Variants in PLA2G4A observed in about 807,000 individuals in gnomAD.
PLA2G4A encodes cytosolic phospholipase A2.
A neutral mutation model predicts 81.9 loss-of-function variants in PLA2G4A; 40 were observed. The ratio of observed to expected loss-of-function variants is 0.49; its 90% CI spans 0.38 to 0.64. The LOEUF (loss-of-function observed/expected upper bound fraction) is 0.64. Among genes scored for constraint, PLA2G4A ranks in the 30% least tolerant of loss-of-function variants. The pLI is 0.00. For synonymous variants in PLA2G4A, 302 were observed against 296.9 expected (o/e 1.02, Z -0.18); for missense variants, 715 against 905.1 (o/e 0.79, Z 2.69).
intron 7 of PLA2G4A, among the ~76,000 whole-genome samples, chr1:186,927,558 T>C (rs1379281943): frequency 6.6e-6 from 1 of 152,106 alleles, no homozygotes; most frequent in Non-Finnish European, 1.5e-5. Flanking sequence ...AGTAAAGAAA[T>C]GAGAGAAGAA....
At chr1:186,864,780 G>A (rs576153045) in intron 2 of PLA2G4A, among the ~76,000 whole-genome samples, 58 of 151,342 alleles carry the variant, frequency 3.8e-4, no homozygotes, top group African/African-American at 1.4e-3. Flanking sequence ...CTCTATATTT[G>A]CTTTTATTTT....
At chr1:186,925,271 T>C (rs1031597652) in intron 7 of PLA2G4A, among the ~76,000 whole-genome samples, 10 of 152,204 alleles carry the variant, frequency 6.6e-5, no homozygotes, top group African/African-American at 2.4e-4. Context: ...CTGTGCCTTG[T>C]ATAGAGAGGA....
intron 1 of PLA2G4A, among the ~76,000 whole-genome samples, chr1:186,831,377 G>GA (rs1301695737): frequency 2.0e-5 from 3 of 152,080 alleles, no homozygotes; most frequent in Non-Finnish European, 4.4e-5. Flanking sequence ...TGGTATAATG[G>GA]AAAAAACTGC....
rs946301220 is a variant in PLA2G4A, at chr1:186,887,613, C to A, written c.116-5398C>A. Among the ~76,000 whole-genome samples the A allele has an allele frequency of 2.6e-5, 4 of 152,204 alleles. No homozygotes were observed. The East Asian group carries it at 7.7e-4, about 29-fold the overall frequency. ...CATCTTTGCTTCACCACATGTTTGG[C>A]TGAAAATAATGAAGATGAGGCTGAG... On this transcript the variant is annotated intron_variant, in intron 3 of 17. Transcript: ENST00000367466.
At chr1:186,880,000 C>T (rs1469937455) in intron 3 of PLA2G4A, among the ~76,000 whole-genome samples, 1 of 151,868 alleles carries the variant, frequency 6.6e-6, no homozygotes, top group African/African-American at 2.4e-5. Context: ...TCCTCCCACC[C>T]CACAACAGGC....
intron 12 of PLA2G4A, among the ~76,000 whole-genome samples, chr1:186,947,856 G>A (rs1333876824): frequency 2.0e-5 from 3 of 152,210 alleles, no homozygotes; most frequent in South Asian, 2.1e-4. Flanking sequence ...CAAAGAAGTC[G>A]ACAGAATAAC....
At chr1:186,866,371 G>C (rs890903653) in intron 2 of PLA2G4A, among the ~76,000 whole-genome samples, 1 of 152,184 alleles carries the variant, frequency 6.6e-6, no homozygotes, top group African/African-American at 2.4e-5. Flanking sequence ...ACACAGAACA[G>C]CAAGGCTGAA....
chr1:186,987,477 C>G (rs1466227340), intron 17 of PLA2G4A, among the ~76,000 whole-genome samples: 1 of 152,196 alleles, frequency 6.6e-6, no homozygotes, highest in Admixed American at 6.5e-5. Context: ...TCCTGATGCC[C>G]AGAAACATCT....
At chr1:186,856,593 T>A (rs1451255556) in intron 2 of PLA2G4A, among the ~76,000 whole-genome samples, 1 of 152,048 alleles carries the variant, frequency 6.6e-6, no homozygotes, top group Non-Finnish European at 1.5e-5. Flanking sequence ...AGTTTTGCCA[T>A]GTTGGCCAGG....
intron 3 of PLA2G4A, among the ~76,000 whole-genome samples, chr1:186,885,628 A>G (rs1256854668): frequency 6.6e-6 from 1 of 152,176 alleles, no homozygotes; most frequent in East Asian, 1.9e-4. Flanking sequence ...ATCCACAAGT[A>G]TTGGATATGG....
intron 13 of PLA2G4A, among the ~76,000 whole-genome samples, chr1:186,952,918 G>A (rs1363573258): frequency 1.3e-5 from 2 of 152,082 alleles, no homozygotes; most frequent in African/African-American, 2.4e-5. Flanking sequence ...ACATTGTCAG[G>A]TTGTGCCACA....
intron 5 of PLA2G4A, among the ~76,000 whole-genome samples, chr1:186,895,900 C>A (rs1654316341): frequency 6.6e-6 from 1 of 152,010 alleles, no homozygotes; most frequent in South Asian, 2.1e-4. Flanking sequence ...TCAGTTTAAT[C>A]ATCTGTAAAA....
rs534200714 is a variant in PLA2G4A, at chr1:186,849,801, C to A, written c.-69-4485C>A. ...TCTGATTGCTTTCTAGAGATGGAAT[C>A]TCCAAGAGGGAAGGGAATGTATCTA... On this transcript the variant is annotated intron_variant, in intron 1 of 17. Transcript: ENST00000367466. Among the ~76,000 whole-genome samples the A allele has an allele frequency of 2.0e-5, 3 of 152,152 alleles. No homozygotes were observed. The South Asian group carries it at 6.2e-4, about 32-fold the overall frequency.
chr1:186,836,152 A>C (rs1380575091), intron 1 of PLA2G4A, among the ~76,000 whole-genome samples: 3 of 151,726 alleles, frequency 2.0e-5, no homozygotes, highest in Admixed American at 6.6e-5. Flanking sequence ...ATTATGTATT[A>C]ATAAGTATTA....
Position 186,912,796 on chromosome 1 carries a change from G to GTA in PLA2G4A, c.558+1420_558+1421dup, listed in dbSNP as rs529189242. Reference sequence around the variant, plus strand: ...TATATATGTATACTTATATATATATGTATATATATATATACATATATATGT... The same window carrying GTA: ...TATATATGTATACTTATATATATATGTATATATATATATATACATATATATGT... On this transcript the variant is annotated intron_variant, in intron 7 of 17. Transcript: ENST00000367466. 2.8e-3 allele frequency among the ~76,000 whole-genome samples: 354 copies of GTA among 128,702 alleles called. 4 individuals are homozygous for GTA. The highest frequency in any genetic ancestry group is 9.6e-3 in the African/African-American group (304 of 31,582). The allele number at this position is 128,702 out of a possible 152,430, so 84.4% of individuals were successfully genotyped here. A position where few individuals can be genotyped will look rare whatever the true frequency, so the allele number is the denominator to read the frequency against.
chr1:186,887,815 T>G (rs139970114), intron 3 of PLA2G4A, among the ~76,000 whole-genome samples: 16 of 152,338 alleles, frequency 1.1e-4, no homozygotes, highest in Non-Finnish European at 1.8e-4. Flanking sequence ...CCTTTTCAAA[T>G]CTTCTAATTC....
At chr1:186,908,220 C>T (rs1332532893) in intron 6 of PLA2G4A, among the ~76,000 whole-genome samples, 3 of 151,844 alleles carry the variant, frequency 2.0e-5, no homozygotes, top group African/African-American at 7.3e-5. Flanking sequence ...AACCATAATT[C>T]TACTACTGAA....
intron 1 of PLA2G4A, among the ~76,000 whole-genome samples, chr1:186,830,975 TTTCTTTC>T (rs1651553549): frequency 7.6e-6 from 1 of 131,576 alleles, no homozygotes; most frequent in South Asian, 2.4e-4. Context: ...TCTTTCTTTC[TTTCTTTC>T]TTTCTTTCTT....
intron 7 of PLA2G4A, among the ~76,000 whole-genome samples, chr1:186,927,519 G>A (rs980608199): frequency 6.6e-6 from 1 of 152,186 alleles, no homozygotes; most frequent in Non-Finnish European, 1.5e-5. Context: ...AACGCGGTTG[G>A]TTGGGGGAGT....
Sources: allele counts gnomAD v4.1 joint callset (sites outside exome capture counted in the v4.1 genomes callset), GRCh38; gene constraint gnomAD v4.1.1; transcripts MANE v1.5; gene names NCBI Gene and HGNC (gene_info 2026-07-23, HGNC 2026-07-21).